KCNIP1: variants seen among roughly 807,000 people sequenced by gnomAD.
The protein encoded by KCNIP1 is A-type potassium channel modulatory protein KCNIP1.
KCNIP1 carries 18 observed loss-of-function variants against 33.0 expected under a neutral mutation model. The ratio of observed to expected loss-of-function variants is 0.55; its 90% CI spans 0.38 to 0.81. The LOEUF (loss-of-function observed/expected upper bound fraction) is 0.81, where lower values mean the gene tolerates loss of function less well. Among genes scored for constraint, KCNIP1 ranks in the 30% least tolerant of loss-of-function variants. KCNIP1 has a pLI of 0.00. For synonymous variants in KCNIP1, 93 were observed against 98.3 expected, an observed-to-expected ratio of 0.95 and a Z score of 0.32; for missense variants, 238 against 271.6, an observed-to-expected ratio of 0.88 and a Z score of 0.87.
chr5:170,545,755 C>T (rs950293608), intron 1 of KCNIP1, among the ~76,000 whole-genome samples: 2 of 152,012 alleles, frequency 1.3e-5, no homozygotes, highest in Non-Finnish European at 2.9e-5. Flanking sequence ...TTTTGCCCAT[C>T]TTTTTCTCTA....
intron 1 of KCNIP1, among the ~76,000 whole-genome samples, chr5:170,626,739 G>T (rs1324998348): frequency 1.3e-5 from 2 of 152,230 alleles, no homozygotes; most frequent in Non-Finnish European, 2.9e-5. Context: ...GGTGAATGCT[G>T]CAGTGAGGCT....
In KCNIP1 at chr5:170,722,516, A is replaced by G. The variant is rs535242289; in HGVS notation, c.328-197A>G. 2.3e-4 allele frequency among the ~76,000 whole-genome samples: 35 copies of G among 151,622 alleles called. 1 individual carries two copies. The South Asian group carries it at 7.3e-3, about 32-fold the overall frequency. On this transcript the variant is annotated intron_variant, in intron 4 of 7. Coordinates refer to ENST00000328939, the MANE Select transcript of KCNIP1 (RefSeq NM_014592.4). ...TTCTTCCTCAAGGGGGCACCTTGCA[A>G]AAAAAAACAAAAAAATGGGGCAGGG...
intron 1 of KCNIP1, among the ~76,000 whole-genome samples, chr5:170,442,935 G>A (rs1756027169): frequency 6.6e-6 from 1 of 152,168 alleles, no homozygotes; most frequent in Non-Finnish European, 1.5e-5. Context: ...GACAGGTCCT[G>A]GAATCAGCCC....
intron 1 of KCNIP1, chr5:170,678,617 T>C (rs1249706761): frequency 6.6e-6 from 1 of 152,224 alleles, no homozygotes; most frequent in Non-Finnish European, 1.5e-5. Flanking sequence ...CACCTGACCT[T>C]ATATCTAACA....
intron 1 of KCNIP1, among the ~76,000 whole-genome samples, chr5:170,473,832 G>C (rs1449604436): frequency 6.6e-6 from 1 of 152,118 alleles, no homozygotes; most frequent in Non-Finnish European, 1.5e-5. Flanking sequence ...TGCCAACAGG[G>C]TCCCAGTATC....
Position 170,375,811 on chromosome 5 carries a change from ATT to A in KCNIP1, c.88+21849_88+21850del, listed in dbSNP as rs1763975583. On this transcript the variant is annotated intron_variant, in intron 1 of 7. Transcript: ENST00000377360. ...ACTATCCTAGGAAATTTACATAAAA[ATT>A]TGTTTCATGCCAAAACTCTATGGAA... 4 of 152,368 alleles carry A rather than the reference ATT, an allele frequency of 2.6e-5. No individual in the cohort carries two copies. In the South Asian group the frequency reaches 8.3e-4, roughly 32 times the overall value. The allele number at this position is 152,368 out of a possible 1,614,324, so 9.4% of individuals were successfully genotyped here.
chr5:170,367,528 T>C (rs553445150), intron 1 of KCNIP1, among the ~76,000 whole-genome samples: 8 of 152,182 alleles, frequency 5.3e-5, no homozygotes, highest in African/African-American at 1.9e-4. Context: ...ATGGATGGAT[T>C]GATGGAGGAT....
At chr5:170,720,234 A>T in intron 2 of KCNIP1, 87 bp from the exon 3 acceptor site, 1 of 919,608 alleles carries the variant, frequency 1.1e-6, no homozygotes, top group Non-Finnish European at 1.8e-6. Context: ...GGGGATCATG[A>T]GGAACCCCAG....
chr5:170,408,413 G>T (rs898916253), intron 1 of KCNIP1, among the ~76,000 whole-genome samples: 3 of 152,048 alleles, frequency 2.0e-5, no homozygotes, highest in Non-Finnish European at 4.4e-5. Context: ...TCTCACCACG[G>T]GCTGACTGAA....
chr5:170,621,815 C>T (rs148925321), intron 1 of KCNIP1, among the ~76,000 whole-genome samples: 44 of 152,292 alleles, frequency 2.9e-4, no homozygotes, highest in Admixed American at 5.9e-4. Flanking sequence ...GGCCTTATTC[C>T]CTTCTTTTTA....
intron 1 of KCNIP1, among the ~76,000 whole-genome samples, chr5:170,487,371 C>T (rs191316294): frequency 2.0e-5 from 3 of 152,254 alleles, no homozygotes; most frequent in Non-Finnish European, 4.4e-5. Context: ...TTTGACCAAA[C>T]AACTGGGTAC....
chr5:170,629,643 C>A (rs1018825669), intron 1 of KCNIP1, among the ~76,000 whole-genome samples: 2 of 152,194 alleles, frequency 1.3e-5, no homozygotes, highest in Non-Finnish European at 2.9e-5. Flanking sequence ...AGTCTGCCCC[C>A]TCCCCCTGCA....
chr5:170,423,796 C>G (rs1323758926), intron 1 of KCNIP1, among the ~76,000 whole-genome samples: 1 of 152,166 alleles, frequency 6.6e-6, no homozygotes, highest in Admixed American at 6.5e-5. Flanking sequence ...TGCCTCACCC[C>G]CTCCCCTCCA....
At chr5:170,579,631 A>G (rs1757722092) in intron 1 of KCNIP1, among the ~76,000 whole-genome samples, 1 of 152,214 alleles carries the variant, frequency 6.6e-6, no homozygotes, top group Non-Finnish European at 1.5e-5. Flanking sequence ...AACCTCCCCT[A>G]GGACTCTGGT....
chr5:170,542,147 C>A (rs1756233048), intron 1 of KCNIP1, among the ~76,000 whole-genome samples: 1 of 152,226 alleles, frequency 6.6e-6, no homozygotes, highest in Non-Finnish European at 1.5e-5. Context: ...AACTGAGGAC[C>A]TGACTTAAGC....
chr5:170,696,550 G>C (rs1020291248), intron 1 of KCNIP1, among the ~76,000 whole-genome samples: 1 of 152,194 alleles, frequency 6.6e-6, no homozygotes, highest in African/African-American at 2.4e-5. Context: ...CTTGAAACGA[G>C]ATTTGAGAGA....
chr5:170,380,445 T>C (rs12518628), intron 1 of KCNIP1, among the ~76,000 whole-genome samples: 3,983 of 152,336 alleles, frequency 0.026, 118 homozygotes, highest in African/African-American at 0.067. Flanking sequence ...GCCAGATTCC[T>C]TGCAGGCCTC....
intron 1 of KCNIP1, among the ~76,000 whole-genome samples, chr5:170,450,004 A>C (rs1756209169): frequency 6.6e-6 from 1 of 152,198 alleles, no homozygotes; most frequent in African/African-American, 2.4e-5. Flanking sequence ...GTAAATAACA[A>C]GGAAGTGTAA....
intron 1 of KCNIP1, among the ~76,000 whole-genome samples, chr5:170,663,482 G>T (rs930227759): frequency 2.0e-5 from 3 of 152,060 alleles, no homozygotes; most frequent in South Asian, 4.2e-4. Context: ...CCGAATCCAG[G>T]GTTTCTCCTA....
Sources: allele counts gnomAD v4.1 joint callset (sites outside exome capture counted in the v4.1 genomes callset), GRCh38; gene constraint gnomAD v4.1.1; transcripts MANE v1.5; gene names NCBI Gene and HGNC (gene_info 2026-07-23, HGNC 2026-07-21).